The following KIAA1549L variants were observed in gnomAD, a reference collection of about 807,000 sequenced individuals.
KIAA1549L encodes UPF0606 protein KIAA1549L.
In KIAA1549L, 88 loss-of-function variants were observed where a neutral mutation model predicts 160.7. That is an observed-to-expected ratio of 0.55 (90% CI 0.46 to 0.65). The LOEUF is 0.65. Among genes scored for constraint, KIAA1549L ranks in the 30% least tolerant of loss-of-function variants. The probability of loss-of-function intolerance (pLI) is 0.00; values close to 1 mark genes in which losing one functional copy is unlikely to be tolerated. For missense variants in KIAA1549L, 2,258 were observed against 2,437.5 expected (o/e 0.93, Z 1.55); for synonymous variants, 950 against 976.7 (o/e 0.97, Z 0.51).
At chr11:33,562,133 C>T (rs915640190) in intron 8 of KIAA1549L, among the ~76,000 whole-genome samples, 1 of 152,214 alleles carries the variant, frequency 6.6e-6, no homozygotes, top group East Asian at 1.9e-4. Flanking sequence ...CGTCTCTCCT[C>T]TGGCACAACA....
chr11:33,396,607 T>G (rs898695464), intron 1 of KIAA1549L, among the ~76,000 whole-genome samples: 5 of 151,916 alleles, frequency 3.3e-5, no homozygotes, highest in African/African-American at 1.2e-4. Flanking sequence ...TCAGCTGAAC[T>G]TACTCTTCTC....
chr11:33,589,841 A>C (rs148466348), intron 11 of KIAA1549L, among the ~76,000 whole-genome samples: 3 of 152,192 alleles, frequency 2.0e-5, no homozygotes, highest in African/African-American at 7.2e-5. Flanking sequence ...CAGCACACCA[A>C]CGTGGCACAT....
At chr11:33,535,033 G>A (rs1565172808) in intron 1 of KIAA1549L, among the ~76,000 whole-genome samples, 1 of 152,198 alleles carries the variant, frequency 6.6e-6, no homozygotes, top group Non-Finnish European at 1.5e-5. Flanking sequence ...GGTCTCACAG[G>A]GCTGCATACA....
At chr11:33,618,750 C>A in intron 16 of KIAA1549L, 88 bp downstream of exon 16, 1 of 1,225,940 alleles carries the variant, frequency 8.2e-7, no homozygotes, top group East Asian at 2.8e-5. Flanking sequence ...TTTGGTTTAC[C>A]ACATATTTGT....
intron 16 of KIAA1549L, among the ~76,000 whole-genome samples, chr11:33,641,643 G>A (rs554879279): frequency 2.5e-5 from 3 of 121,392 alleles, no homozygotes; most frequent in South Asian, 2.7e-4. Context: ...TACACAGTGG[G>A]TAAGAGCTTA....
intron 1 of KIAA1549L, among the ~76,000 whole-genome samples, chr11:33,422,814 C>G (rs900350822): frequency 4.1e-4 from 62 of 151,894 alleles, no homozygotes; most frequent in African/African-American, 1.5e-3. Flanking sequence ...AGGCTTATGA[C>G]TTTTTAAAGT....
intron 10 of KIAA1549L, among the ~76,000 whole-genome samples, chr11:33,579,745 GA>G (rs1352958127): frequency 1.3e-5 from 2 of 152,142 alleles, no homozygotes; most frequent in Admixed American, 1.3e-4. Flanking sequence ...AAATCCTGGG[GA>G]AAATATGAGT....
intron 1 of KIAA1549L, among the ~76,000 whole-genome samples, chr11:33,529,940 A>G (rs1853699973): frequency 6.6e-6 from 1 of 152,158 alleles, no homozygotes; most frequent in Non-Finnish European, 1.5e-5. Flanking sequence ...GTGAAGCCCT[A>G]GTAAGATGTT....
intron 1 of KIAA1549L, among the ~76,000 whole-genome samples, chr11:33,387,631 G>T (rs1850199269): frequency 1.3e-5 from 2 of 152,142 alleles, no homozygotes; most frequent in Admixed American, 1.3e-4. Context: ...AAAGCTACCA[G>T]CAGACACTAC....
chr11:33,391,113 A>C (rs994501469), intron 1 of KIAA1549L, among the ~76,000 whole-genome samples: 1 of 152,242 alleles, frequency 6.6e-6, no homozygotes, highest in African/African-American at 2.4e-5. Flanking sequence ...AACAGCTTCA[A>C]ATACTGTGTA....
intron 1 of KIAA1549L, among the ~76,000 whole-genome samples, chr11:33,431,107 G>C (rs1851230431): frequency 3.9e-5 from 6 of 151,964 alleles, no homozygotes; most frequent in Admixed American, 3.9e-4. Context: ...AGCACATCTG[G>C]AGTTGTTCGT....
chr11:33,399,872 T>C (rs1850463291), intron 1 of KIAA1549L, among the ~76,000 whole-genome samples: 1 of 152,236 alleles, frequency 6.6e-6, no homozygotes, highest in African/African-American at 2.4e-5. Flanking sequence ...CTTGTAGCAC[T>C]CCGCTTCTCT....
chr11:33,460,100 GA>G (rs1169542967), intron 1 of KIAA1549L, among the ~76,000 whole-genome samples: 1 of 151,814 alleles, frequency 6.6e-6, no homozygotes, highest in East Asian at 1.9e-4. Flanking sequence ...TTCTTTCAAA[GA>G]AAGTGATTAA....
chr11:33,488,355 C>A (rs1005174795), intron 1 of KIAA1549L, among the ~76,000 whole-genome samples: 2 of 152,064 alleles, frequency 1.3e-5, no homozygotes. Context: ...TAAAGGATGA[C>A]AAAAGGACTA....
In KIAA1549L at chr11:33,551,203, C is replaced by G; in HGVS notation, c.3665C>G (p.Ala1222Gly). The G allele has an allele frequency of 6.2e-7, 1 of 1,613,892 alleles. No individual in the cohort carries two copies. Among genetic ancestry groups the G allele is most frequent in the Non-Finnish European group, 8.5e-7 (1 of 1,179,872 alleles). The change falls in exon 5 of 21, where the codon GCA becomes GGA. Residue 1222 changes from alanine to glycine, a missense_variant. Coordinates refer to ENST00000658780, the MANE Select transcript of KIAA1549L (RefSeq NM_012194.3). ...KQHTPHLQSV[A>G]VLASPWNPQP... Reference sequence around the variant, plus strand: ...CACACCCCACACTTACAGTCTGTGGCAGTACTTGCCTCCCCATGGAATCCC... The same window carrying G: ...CACACCCCACACTTACAGTCTGTGGGAGTACTTGCCTCCCCATGGAATCCC...
chr11:33,437,954 G>A (rs1277988078), intron 1 of KIAA1549L, among the ~76,000 whole-genome samples: 3 of 152,120 alleles, frequency 2.0e-5, no homozygotes, highest in African/African-American at 7.2e-5. Context: ...TCTGAATCTG[G>A]TCTGCCTGGT....
intron 1 of KIAA1549L, among the ~76,000 whole-genome samples, chr11:33,419,463 A>T (rs917483162): frequency 6.6e-6 from 1 of 152,192 alleles, no homozygotes; most frequent in Non-Finnish European, 1.5e-5. Flanking sequence ...TCTTTTCCTT[A>T]TAGTCAGATT....
At chr11:33,637,318 G>A (rs779142051) in intron 16 of KIAA1549L, among the ~76,000 whole-genome samples, 4 of 152,146 alleles carry the variant, frequency 2.6e-5, no homozygotes, top group African/African-American at 7.2e-5. Context: ...CCTAGGTTAC[G>A]GCCAGAGCCG....
intron 1 of KIAA1549L, among the ~76,000 whole-genome samples, chr11:33,442,600 T>G (rs1334555153): frequency 1.3e-5 from 2 of 152,218 alleles, no homozygotes; most frequent in East Asian, 3.8e-4. Flanking sequence ...CTTCTTGATT[T>G]TGCTTTCTTC....
Sources: allele counts gnomAD v4.1 joint callset (sites outside exome capture counted in the v4.1 genomes callset), GRCh38; gene constraint gnomAD v4.1.1; transcripts MANE v1.5; gene names NCBI Gene and HGNC (gene_info 2026-07-23, HGNC 2026-07-21).